ATP2C1: variants seen among roughly 807,000 people sequenced by gnomAD.
ATP2C1 encodes the protein ATPase secretory pathway Ca2+ transporting 1.
ATP2C1 carries 31 observed loss-of-function variants against 120.5 expected under a neutral mutation model. That is an observed-to-expected ratio of 0.26 (90% CI 0.19 to 0.35). The LOEUF (loss-of-function observed/expected upper bound fraction) is 0.35, where lower values mean the gene tolerates loss of function less well. Ranked by LOEUF, ATP2C1 falls within the 10% of genes least tolerant of loss-of-function variation. The probability of loss-of-function intolerance (pLI) is 1.00; values close to 1 mark genes in which losing one functional copy is unlikely to be tolerated. For synonymous variants in ATP2C1, 351 were observed against 358.7 expected, an observed-to-expected ratio of 0.98 and a Z score of 0.24; for missense variants, 731 against 1,107.5, an observed-to-expected ratio of 0.66 and a Z score of 4.83.
chr3:130,946,101 G>C (rs2060142587), intron 8 of ATP2C1, among the ~76,000 whole-genome samples: 1 of 152,034 alleles, frequency 6.6e-6, no homozygotes, highest in African/African-American at 2.4e-5. Context: ...TTGATCTGAT[G>C]ATTTTCTAAA....
intron 20 of ATP2C1, among the ~76,000 whole-genome samples, chr3:130,991,404 G>A (rs2062335316): frequency 6.6e-6 from 1 of 152,146 alleles, no homozygotes; most frequent in African/African-American, 2.4e-5. Context: ...ATCATGGGAT[G>A]GATTCAGAGA....
intron 17 of ATP2C1, among the ~76,000 whole-genome samples, chr3:130,969,932 G>C (rs1190879694): frequency 6.6e-6 from 1 of 152,188 alleles, no homozygotes; most frequent in Non-Finnish European, 1.5e-5. Context: ...TTTCCAGTTA[G>C]TGTAATAAGA....
At chr3:130,879,530 T>C (rs1305685080) in intron 1 of ATP2C1, among the ~76,000 whole-genome samples, 1 of 152,252 alleles carries the variant, frequency 6.6e-6, no homozygotes, top group Non-Finnish European at 1.5e-5. Context: ...TTTCAAGCAT[T>C]TCATGCATTT....
chr3:130,862,545 A>G (rs191571744), intron 1 of ATP2C1, among the ~76,000 whole-genome samples: 33 of 152,154 alleles, frequency 2.2e-4, no homozygotes, highest in Admixed American at 2.0e-3. Context: ...TGACATAGTT[A>G]ATTGTTTTTC....
At chr3:130,891,611 C>T (rs1393511595), upstream of ATP2C1, among the ~76,000 whole-genome samples, 1 of 152,144 alleles carries the variant, frequency 6.6e-6, no homozygotes, top group Non-Finnish European at 1.5e-5. Flanking sequence ...GTTTCATTGC[C>T]ATCAATCCCA....
Position 130,975,389 on chromosome 3 carries a change from A to G in ATP2C1, c.1471A>G (p.Thr491Ala). ...GAYEQVIKYC[T>A]TYQSKGQTLT... is the part of the protein sequence containing the mutation. ...TTACGAACAAGTAATTAAGTACTGT[A>G]CTACATACCAGAGCAAAGGGCAGAC... The change falls in exon 18 of 28, where the codon ACT becomes GCT. Residue 491 changes from threonine (T) to alanine (A), a missense_variant. Around this residue, in one of 3 missense-constraint regions of ATP2C1, gnomAD observed 571 missense variants for 845.9 expected, o/e 0.67. Coordinates refer to ENST00000510168, the MANE Select transcript of ATP2C1 (RefSeq NM_001378687.1). The G allele has an allele frequency of 6.2e-7, 1 of 1,613,914 alleles. No homozygotes were observed. Among genetic ancestry groups the G allele is most frequent in the Non-Finnish European group, 8.5e-7 (1 of 1,179,826 alleles).
At chr3:130,921,105 G>T in intron 2 of ATP2C1, among the ~76,000 whole-genome samples, 1 of 136,376 alleles carries the variant, frequency 7.3e-6, no homozygotes. Flanking sequence ...TTTTTGAGAC[G>T]GAGTCTCGCA....
chr3:130,912,351 C>A lies in ATP2C1; in HGVS notation c.6+17576C>A, dbSNP rs1442599292. ...TGGGAGAAAATTTTCGCAACCTACT[C>A]ATCTGACAAAGGGCAAATATCCAGA... is the stretch of plus-strand genomic sequence containing the variant. On this transcript the variant is annotated intron_variant, in intron 2 of 27. Transcript: ENST00000510168. Among the ~76,000 whole-genome samples, 8 of 151,712 alleles carry A rather than the reference C, an allele frequency of 5.3e-5. No homozygotes were observed. The South Asian group carries it at 1.2e-3, about 24-fold the overall frequency.
At chr3:130,850,802 C>A in exon 1 of ATP2C1, 2 of 1,270,472 alleles carry the variant, frequency 1.6e-6, no homozygotes, top group South Asian at 1.6e-5. Context: ...CAGACAAGGA[C>A]CCTCTTGCTT....
exon 27 of ATP2C1, chr3:131,016,518 G>C: frequency 1.4e-6 from 1 of 707,274 alleles, no homozygotes; most frequent in Non-Finnish European, 2.3e-6. Context: ...ATACTGAACT[G>C]TCTTTTTAAT....
rs2069372484 is a variant in ATP2C1 at position 130,894,253 on chromosome 3, C to T, written c.-265C>T. The T allele has an allele frequency of 1.0e-6, 1 of 986,058 alleles. No individual in the cohort carries two copies. The highest frequency in any genetic ancestry group is 1.2e-6 in the Non-Finnish European group (1 of 830,426). 61.1% of individuals were successfully genotyped at this position (986,058 alleles called of 1,614,324 possible). A position where few individuals can be genotyped will look rare whatever the true frequency, so the allele number is the denominator to read the frequency against. Reference sequence around the variant, plus strand: ...CGCACCGCTGCCCCGCGAGCAGCTCCTCTTCTCCCGAGGCGCGCGGGGCGC... The same window carrying T: ...CGCACCGCTGCCCCGCGAGCAGCTCTTCTTCTCCCGAGGCGCGCGGGGCGC... On this transcript the variant is annotated 5_prime_UTR_variant, in exon 1 of 28. Coordinates refer to ENST00000510168, the MANE Select transcript of ATP2C1 (RefSeq NM_001378687.1). This position sits in a 1 kb window ranked among gnomAD's most constrained non-coding sequence, Gnocchi z 4.5.
At chr3:130,902,306 T>G (rs1021859534) in intron 2 of ATP2C1, among the ~76,000 whole-genome samples, 1 of 141,894 alleles carries the variant, frequency 7.0e-6, no homozygotes, top group East Asian at 2.4e-4. Context: ...TGTTTTTTTT[T>G]TTTTTTTTTT....
intron 8 of ATP2C1, among the ~76,000 whole-genome samples, chr3:130,946,567 T>G (rs922075518): frequency 6.6e-6 from 1 of 152,324 alleles, no homozygotes; most frequent in African/African-American, 2.4e-5. Flanking sequence ...GCCCAGTCTG[T>G]TGTTAAGACC....
chr3:130,888,127 C>G (rs148025023), intron 1 of ATP2C1, among the ~76,000 whole-genome samples: 1 of 152,188 alleles, frequency 6.6e-6, no homozygotes, highest in Non-Finnish European at 1.5e-5. Context: ...GACGTGTCAT[C>G]TATGAGTTAG....
intron 8 of ATP2C1, among the ~76,000 whole-genome samples, chr3:130,944,624 T>C (rs2108480237): frequency 6.6e-6 from 1 of 152,344 alleles, no homozygotes; most frequent in Middle Eastern, 3.4e-3. Flanking sequence ...TGTAGAGCTA[T>C]ATAGCATGTG....
intron 19 of ATP2C1, among the ~76,000 whole-genome samples, 187 bp downstream of exon 19, chr3:130,979,606 A>C (rs1011749718): frequency 9.2e-5 from 14 of 152,202 alleles, no homozygotes; most frequent in Non-Finnish European, 1.9e-4. Context: ...AAAAGTAATA[A>C]CTTTGACATG....
chr3:130,879,468 G>T (rs2068714121), intron 1 of ATP2C1, among the ~76,000 whole-genome samples: 1 of 152,042 alleles, frequency 6.6e-6, no homozygotes, highest in South Asian at 2.1e-4. Context: ...TTGTTTATCT[G>T]TATTTGTTTG....
intron 19 of ATP2C1, among the ~76,000 whole-genome samples, chr3:130,979,796 G>A (rs1239835509): frequency 6.6e-6 from 1 of 151,930 alleles, no homozygotes; most frequent in East Asian, 1.9e-4. Context: ...GCATAATTTG[G>A]CAGAAAATAG....
chr3:131,013,605 G>A (rs893016961), intron 26 of ATP2C1, among the ~76,000 whole-genome samples: 1 of 152,214 alleles, frequency 6.6e-6, no homozygotes, highest in African/African-American at 2.4e-5. Context: ...ACTTTTAGTA[G>A]AGACAGTTTT....
Sources: gnomAD v4.1 joint callset for allele counts (sites outside exome capture counted in the v4.1 genomes callset) on GRCh38, gnomAD v4.1.1 for gene constraint, gnomAD v4.1.1 regional missense constraint, Gnocchi (gnomAD v3.1) non-coding constraint, MANE v1.5 for transcripts, NCBI Gene and HGNC (gene_info 2026-07-23, HGNC 2026-07-21) for gene names.